DNAAF9: variants seen among roughly 807,000 people sequenced by gnomAD.
The protein encoded by DNAAF9 is dynein axonemal assembly factor 9.
In DNAAF9, 90 loss-of-function variants were observed where a neutral mutation model predicts 167.0. The observed-to-expected ratio is 0.54, with a 90% CI of 0.45 to 0.64. DNAAF9 has a LOEUF of 0.64. Ranked by LOEUF, DNAAF9 falls within the 30% of genes least tolerant of loss-of-function variation. The pLI is 0.00. For synonymous variants in DNAAF9, 491 were observed against 508.8 expected (o/e 0.96, Z 0.47); for missense variants, 1,315 against 1,442.2 (o/e 0.91, Z 1.43).
Position 3,393,165 on chromosome 20 carries a change from CTTTTATTT to C in DNAAF9, c.84-10667_84-10660del, listed in dbSNP as rs542031921. ...CCTGATCACTAATGATGTTGAATAC[CTTTTATTT>C]ATTTATTTATTTATTTATTTTTGAG... On this transcript the variant is annotated intron_variant, in intron 1 of 36. Transcript: ENST00000252032. 2.6e-5 allele frequency among the ~76,000 whole-genome samples: 4 copies of C among 151,632 alleles called. No homozygotes were observed. The South Asian group carries it at 8.3e-4, about 32-fold the overall frequency.
chr20:3,357,716 A>C (rs1462956093), intron 7 of DNAAF9, among the ~76,000 whole-genome samples: 1 of 151,900 alleles, frequency 6.6e-6, no homozygotes, highest in Non-Finnish European at 1.5e-5. Context: ...TTTTAGACAG[A>C]ATCTCGCTGT....
rs1296528342 is a variant in DNAAF9 at position 3,344,089 on chromosome 20, C to T, written c.790-358G>A. 2.0e-5 allele frequency among the ~76,000 whole-genome samples: 3 copies of T among 152,154 alleles called. No individual in the cohort carries two copies. In the East Asian group the frequency reaches 5.8e-4, roughly 29 times the overall value. ...AGTGTTTACTGCAAGAAAATTGGAC[C>T]AATCACCATCTATGGTCCAAGTTGC... On this transcript the variant is annotated intron_variant, in intron 8 of 36. Coordinates refer to ENST00000252032, the MANE Select transcript of DNAAF9 (RefSeq NM_001009984.3).
At position 3,249,946 on chromosome 20, in the gene DNAAF9, C is replaced by G. The variant is rs1479868460; in HGVS notation, c.*2626G>C. ...TTCCCTAGGATAATAATCCCATTTC[C>G]TCCAATTTCTGTCTCCTTCTTCCAA... On this transcript the variant is annotated 3_prime_UTR_variant, in exon 37 of 37. Coordinates refer to ENST00000252032, the MANE Select transcript of DNAAF9 (RefSeq NM_001009984.3). 2.0e-5 allele frequency: 3 copies of G among 152,212 alleles called. No homozygotes were observed. The highest frequency in any genetic ancestry group is 4.4e-5 in the Non-Finnish European group (3 of 68,046). The allele number at this position is 152,212 out of a possible 1,614,324, so 9.4% of individuals were successfully genotyped here. A position where few individuals can be genotyped will look rare whatever the true frequency, so the allele number is the denominator to read the frequency against.
chr20:3,395,667 T>C (rs1233097309), intron 1 of DNAAF9, among the ~76,000 whole-genome samples: 2 of 152,214 alleles, frequency 1.3e-5, no homozygotes, highest in Non-Finnish European at 2.9e-5. Flanking sequence ...ATAATCATAC[T>C]GCATCTGGAC....
At chr20:3,321,808 T>C (rs1418947678) in intron 16 of DNAAF9, among the ~76,000 whole-genome samples, 1 of 152,186 alleles carries the variant, frequency 6.6e-6, no homozygotes, top group African/African-American at 2.4e-5. Flanking sequence ...TAGGTTCCTG[T>C]TAAGGACATC....
chr20:3,310,051 G>A (rs897285294), intron 20 of DNAAF9, among the ~76,000 whole-genome samples: 1 of 151,944 alleles, frequency 6.6e-6, no homozygotes, highest in South Asian at 2.1e-4. Flanking sequence ...AATTAGCCGG[G>A]CATGGTGGTG....
intron 6 of DNAAF9, among the ~76,000 whole-genome samples, chr20:3,361,548 G>A (rs1005488743): frequency 2.6e-5 from 4 of 152,194 alleles, no homozygotes; most frequent in Non-Finnish European, 5.9e-5. Flanking sequence ...GCAGCAAAAT[G>A]ACTGTGTGAT....
intron 15 of DNAAF9, 74 bp downstream of exon 15, chr20:3,322,578 T>A: frequency 8.6e-7 from 1 of 1,166,774 alleles, no homozygotes; most frequent in Non-Finnish European, 1.3e-6. Flanking sequence ...AAACCACTCA[T>A]GTCAGCAGCC....
At chr20:3,382,586 A>T (rs1254094486) in intron 1 of DNAAF9, 80 bp from the exon 2 acceptor site, 2 of 1,064,142 alleles carry the variant, frequency 1.9e-6, no homozygotes, top group East Asian at 4.8e-5. Context: ...CCCACAATGG[A>T]GTCATGAGGA....
intron 7 of DNAAF9, among the ~76,000 whole-genome samples, chr20:3,359,022 G>C (rs958800735): frequency 2.6e-5 from 4 of 152,120 alleles, no homozygotes; most frequent in Non-Finnish European, 4.4e-5. Context: ...ACACTGTCTA[G>C]AGCTGTTTTC....
intron 7 of DNAAF9, among the ~76,000 whole-genome samples, chr20:3,351,675 T>C (rs1198154715): frequency 2.0e-5 from 3 of 152,142 alleles, no homozygotes; most frequent in African/African-American, 7.2e-5. Flanking sequence ...ATTTGGATGA[T>C]AAAATTGCAA....
Position 3,296,883 on chromosome 20 carries a change from A to G in DNAAF9, c.1996T>C (p.Leu666=), listed in dbSNP as rs372640761. 560 of 1,609,696 alleles carry G rather than the reference A, an allele frequency of 3.5e-4. 1 individual carries two copies. Among genetic ancestry groups the G allele is most frequent in the South Asian group, 1.0e-3 (95 of 90,958 alleles). ...TACAATCTCTTTTGTTCCACAGATA[A>G]TCCATCTTCCTGGATCACTTTTAAA... ...ISLKVIQEDG[L]SVEQKRLHSS... Residue 666 remains leucine, a synonymous_variant, in exon 23 of 37, where the codon TTA becomes CTA. Coordinates refer to ENST00000252032, the MANE Select transcript of DNAAF9 (RefSeq NM_001009984.3).
chr20:3,255,896 G>A (rs2068271449), intron 34 of DNAAF9, 110 bp downstream of exon 34: 2 of 789,308 alleles, frequency 2.5e-6, no homozygotes, highest in East Asian at 2.6e-5. Context: ...GGGAGAGGAA[G>A]CCCAGTGGGG....
At position 3,333,310 on chromosome 20, in the gene DNAAF9, C is replaced by T. The variant is rs114049254; in HGVS notation, c.982-949G>A. Among the ~76,000 whole-genome samples, 421 of 152,226 alleles carry T rather than the reference C, an allele frequency of 2.8e-3. 1 individual carries two copies. The highest frequency in any genetic ancestry group is 9.5e-3 in the African/African-American group (395 of 41,520). ...GTCCTTTCCTCTTCTGAAAATCCAA[C>T]ATCTCATGAGGGTTCCTAGAATAAT... is the stretch of plus-strand genomic sequence containing the variant. On this transcript the variant is annotated intron_variant, in intron 10 of 36. Transcript: ENST00000252032.
intron 20 of DNAAF9, among the ~76,000 whole-genome samples, chr20:3,312,936 CTA>C (rs943658802): frequency 6.6e-6 from 1 of 152,198 alleles, no homozygotes; most frequent in Non-Finnish European, 1.5e-5. Context: ...TATCAAAAGA[CTA>C]TGACTAATAA....
At chr20:3,340,433 T>TCCGGGGGGGGGGGCCCCCCCCCCCCCCC in intron 10 of DNAAF9, 71 bp downstream of exon 10, 2 of 221,214 alleles carry the variant, frequency 9.0e-6, no homozygotes, top group East Asian at 1.2e-4. Flanking sequence ...TTTGTCTAGC[T>TCCGGGGGGGGGGGCCCCCCCCCCCCCCC]CCCCCCACCC....
intron 1 of DNAAF9, among the ~76,000 whole-genome samples, chr20:3,389,759 G>A (rs537103197): frequency 8.5e-4 from 130 of 152,238 alleles, no homozygotes; most frequent in African/African-American, 3.1e-3. Context: ...AAACAGGCCA[G>A]GCATGGTGGC....
chr20:3,338,642 T>C (rs1000516767), intron 10 of DNAAF9, among the ~76,000 whole-genome samples: 1 of 144,472 alleles, frequency 6.9e-6, no homozygotes, highest in Non-Finnish European at 1.5e-5. Flanking sequence ...CCAGGGTTCT[T>C]GGATGATTTT....
chr20:3,364,659 A>G (rs2083406874), intron 6 of DNAAF9, among the ~76,000 whole-genome samples: 1 of 152,262 alleles, frequency 6.6e-6, no homozygotes, highest in Admixed American at 6.5e-5. Context: ...ACAACACACC[A>G]TAGTCTATTA....
Sources: gnomAD v4.1 joint callset for allele counts (sites outside exome capture counted in the v4.1 genomes callset) on GRCh38, gnomAD v4.1.1 for gene constraint, MANE v1.5 for transcripts, NCBI Gene and HGNC (gene_info 2026-07-23, HGNC 2026-07-21) for gene names.